Variants in GRHL2 observed in about 807,000 individuals in gnomAD.
The protein encoded by GRHL2 is grainyhead-like protein 2 homolog.
A neutral mutation model predicts 83.8 loss-of-function variants in GRHL2; 21 were observed. That is an observed-to-expected ratio of 0.25 (90% CI 0.18 to 0.36). The LOEUF is 0.36. GRHL2 is among the 10% of genes least tolerant of loss of function. GRHL2 has a pLI of 1.00. For missense variants in GRHL2, 623 were observed against 781.8 expected, an observed-to-expected ratio of 0.80 and a Z score of 2.42; for synonymous variants, 280 against 278.9, an observed-to-expected ratio of 1.00 and a Z score of -0.04.
At chr8:101,657,362 C>A (rs528356492) in intron 14 of GRHL2, among the ~76,000 whole-genome samples, 1 of 152,154 alleles carries the variant, frequency 6.6e-6, no homozygotes, top group South Asian at 2.1e-4. Flanking sequence ...GAGAACTTTC[C>A]ACAAAATAAG....
At chr8:101,560,323 C>A (rs925606730) in intron 4 of GRHL2, among the ~76,000 whole-genome samples, 2 of 152,176 alleles carry the variant, frequency 1.3e-5, no homozygotes, top group Non-Finnish European at 2.9e-5. Flanking sequence ...CCACTACGCC[C>A]AGCCTTGTTG....
chr8:101,624,277 TAGTAGGACAGTTTCCATGACACAGCAATC>T (rs1261508503), intron 9 of GRHL2, among the ~76,000 whole-genome samples: 55 of 143,070 alleles, frequency 3.8e-4, no homozygotes, highest in African/African-American at 1.3e-3. Context: ...GGACAGTACA[TAGTAGGACAGTTTCCATGACACAGCAATC>T]AGTAGGACAG....
chr8:101,675,614 C>G, the GRHL2 span, among the ~76,000 whole-genome samples: 1 of 152,034 alleles, frequency 6.6e-6, no homozygotes, highest in South Asian at 2.1e-4. Flanking sequence ...GAATCAATAT[C>G]GTGAAAATGG....
At chr8:101,560,167 G>A (rs1811578549) in intron 4 of GRHL2, among the ~76,000 whole-genome samples, 1 of 126,586 alleles carries the variant, frequency 7.9e-6, no homozygotes, top group Non-Finnish European at 1.7e-5. Flanking sequence ...CACCATGCCT[G>A]GCTAAATTTT....
At chr8:101,584,886 G>A (rs1362410468) in intron 7 of GRHL2, among the ~76,000 whole-genome samples, 1 of 152,126 alleles carries the variant, frequency 6.6e-6, no homozygotes, top group East Asian at 1.9e-4. Context: ...TAGGTGGTCA[G>A]ATGGTCAGGT....
chr8:101,643,070 C>T lies in GRHL2; in HGVS notation c.1518-1061C>T, dbSNP rs190460784. On this transcript the variant is annotated intron_variant, in intron 12 of 15. Coordinates refer to ENST00000646743, the MANE Select transcript of GRHL2 (RefSeq NM_024915.4). ...GAGCTACCCATCTGGCATTTCTTCA[C>T]GTGCCTGGTCCCTGGAGGCTTGGCC... 5.1e-4 allele frequency among the ~76,000 whole-genome samples: 78 copies of T among 152,192 alleles called. 1 individual carries two copies. Among genetic ancestry groups the T allele is most frequent in the Admixed American group, 5.9e-4 (9 of 15,280 alleles).
At chr8:101,494,156 A>T (rs1395246792) in intron 1 of GRHL2, among the ~76,000 whole-genome samples, 1 of 151,802 alleles carries the variant, frequency 6.6e-6, no homozygotes, top group Non-Finnish European at 1.5e-5. Flanking sequence ...CCGGTGCCCC[A>T]AGGCCGCGGG....
At chr8:101,648,503 G>A (rs909918561) in intron 13 of GRHL2, among the ~76,000 whole-genome samples, 4 of 152,188 alleles carry the variant, frequency 2.6e-5, no homozygotes, top group African/African-American at 9.7e-5. Flanking sequence ...CGTGCCACAT[G>A]GCTTTTATTT....
intron 13 of GRHL2, among the ~76,000 whole-genome samples, chr8:101,646,612 G>T (rs963824230): frequency 4.6e-5 from 7 of 152,208 alleles, no homozygotes; most frequent in African/African-American, 1.7e-4. Context: ...TTGCCTATTT[G>T]TTTATTTGTT....
intron 9 of GRHL2, among the ~76,000 whole-genome samples, chr8:101,625,873 C>T (rs1193076676): frequency 7.2e-5 from 11 of 151,918 alleles, no homozygotes; most frequent in African/African-American, 2.7e-4. Context: ...GTTACACATC[C>T]TGATATTAAG....
intron 8 of GRHL2, among the ~76,000 whole-genome samples, chr8:101,613,370 G>A (rs570797267): frequency 8.0e-5 from 12 of 150,920 alleles, no homozygotes; most frequent in African/African-American, 2.2e-4. Context: ...ATAATTGTAC[G>A]TTTTATGAAA....
chr8:101,671,691 G>C (rs1250850091), downstream of GRHL2, among the ~76,000 whole-genome samples: 1 of 152,192 alleles, frequency 6.6e-6, no homozygotes, highest in African/African-American at 2.4e-5. Context: ...AGAGAGCAGT[G>C]GTTCTCCCAG....
At chr8:101,577,959 T>C (rs1453605564) in intron 7 of GRHL2, among the ~76,000 whole-genome samples, 4 of 152,214 alleles carry the variant, frequency 2.6e-5, no homozygotes, top group Non-Finnish European at 5.9e-5. Flanking sequence ...TCCAGTGTTC[T>C]TTCCATTTCA....
intron 1 of GRHL2, among the ~76,000 whole-genome samples, chr8:101,494,402 C>T (rs1810051264): frequency 6.6e-6 from 1 of 152,172 alleles, no homozygotes; most frequent in Non-Finnish European, 1.5e-5. Flanking sequence ...CCGAGTACAG[C>T]ATACCGGAGG....
chr8:101,562,368 T>A, intron 4 of GRHL2: 1 of 674,334 alleles, frequency 1.5e-6, no homozygotes, highest in Non-Finnish European at 2.4e-6. Context: ...TGCTTCTTTT[T>A]AAAGTTTTTA....
chr8:101,529,921 G>C (rs1325862799), intron 1 of GRHL2, among the ~76,000 whole-genome samples: 1 of 152,136 alleles, frequency 6.6e-6, no homozygotes, highest in Non-Finnish European at 1.5e-5. Flanking sequence ...CTTTCCTGTT[G>C]CTTTAAGCTC....
chr8:101,598,479 A>G (rs1435228698), intron 7 of GRHL2, among the ~76,000 whole-genome samples: 2 of 151,932 alleles, frequency 1.3e-5, no homozygotes, highest in Non-Finnish European at 2.9e-5. Flanking sequence ...ACCTCAGGTA[A>G]TCCTCCTACC....
rs1429014886 is a variant in GRHL2 at position 101,669,071 on chromosome 8, G to GTT, written c.*2370_*2371dup. 2 of 152,256 alleles carry GTT rather than the reference G, an allele frequency of 1.3e-5. No individual in the cohort carries two copies. Among genetic ancestry groups the GTT allele is most frequent in the African/African-American group, 4.8e-5 (2 of 41,534 alleles). The allele number at this position is 152,256 out of a possible 1,614,324, so 9.4% of individuals were successfully genotyped here. ...CCCTCTGCATCCTCGGAGCACCCCA[G>GTT]TTTGCCTTTGATGTGTCCGCTGTGT... On this transcript the variant is annotated 3_prime_UTR_variant, in exon 16 of 16. Transcript: ENST00000646743.
At chr8:101,504,372 A>C (rs932747604) in intron 1 of GRHL2, among the ~76,000 whole-genome samples, 1 of 152,240 alleles carries the variant, frequency 6.6e-6, no homozygotes, top group South Asian at 2.1e-4. Context: ...ATAAGTTTCC[A>C]ACATGTGTAT....
Sources: gnomAD v4.1 joint callset for allele counts (sites outside exome capture counted in the v4.1 genomes callset) on GRCh38, gnomAD v4.1.1 for gene constraint, MANE v1.5 for transcripts, NCBI Gene and HGNC (gene_info 2026-07-23, HGNC 2026-07-21) for gene names.